Variants in CR1 observed in about 807,000 individuals in gnomAD.
CR1 encodes complement receptor type 1.
A neutral mutation model predicts 187.3 loss-of-function variants in CR1; 116 were observed. That is an observed-to-expected ratio of 0.62 (90% CI 0.53 to 0.72). The LOEUF (loss-of-function observed/expected upper bound fraction) is 0.72. Among genes scored for constraint, CR1 ranks in the 30% least tolerant of loss-of-function variants. The probability of loss-of-function intolerance (pLI) is 0.00; values close to 1 mark genes in which losing one functional copy is unlikely to be tolerated. For synonymous variants in CR1, 576 were observed against 747.1 expected, an observed-to-expected ratio of 0.77 and a Z score of 3.73; for missense variants, 1,731 against 2,110.7, an observed-to-expected ratio of 0.82 and a Z score of 3.52.
chr1:207,526,202 A>G (rs1660165176), intron 5 of CR1, among the ~76,000 whole-genome samples: 1 of 152,066 alleles, frequency 6.6e-6, no homozygotes, highest in South Asian at 2.1e-4. Flanking sequence ...TGAGGAGAGG[A>G]GACCCATAGT....
chr1:207,506,257 C>T (rs1335305319), intron 2 of CR1, among the ~76,000 whole-genome samples, 174 bp downstream of exon 2: 3 of 152,192 alleles, frequency 2.0e-5, no homozygotes, highest in Non-Finnish European at 4.4e-5. Flanking sequence ...TTCCTGGCGC[C>T]TTCATTAAAA....
intron 35 of CR1, among the ~76,000 whole-genome samples, chr1:207,592,294 G>A (rs979493229): frequency 6.6e-6 from 1 of 152,230 alleles, no homozygotes; most frequent in South Asian, 2.1e-4. Flanking sequence ...TTCAACATAC[G>A]CAAATCAATA....
chr1:207,499,745 G>A (rs1226443783), intron 1 of CR1, among the ~76,000 whole-genome samples: 1 of 152,220 alleles, frequency 6.6e-6, no homozygotes, highest in African/African-American at 2.4e-5. Context: ...AGGTAAAGGT[G>A]CAAGATAGAA....
chr1:207,584,432 T>C (rs1328879424), intron 32 of CR1, among the ~76,000 whole-genome samples: 1 of 152,236 alleles, frequency 6.6e-6, no homozygotes, highest in Non-Finnish European at 1.5e-5. Context: ...GGATGCTTAA[T>C]TTGGGAAAGG....
intron 40 of CR1, among the ~76,000 whole-genome samples, chr1:207,615,355 T>A (rs1161809899): frequency 6.6e-6 from 1 of 152,040 alleles, no homozygotes; most frequent in African/African-American, 2.4e-5. Flanking sequence ...TTATAACATA[T>A]AAAATGGTAG....
In CR1 at chr1:207,565,931, A is replaced by T. The variant is rs1389079353; in HGVS notation, c.3952+8A>T. ...GTGTTCCAGTGTGTGAACGTGAGTA[A>T]TAGGAGCAACATTTCAGGCCAATCT... On this transcript the variant is annotated splice_region_variant and intron_variant, in intron 24 of 46. Coordinates refer to ENST00000367049, the MANE Select transcript of CR1 (RefSeq NM_000651.6). The T allele has an allele frequency of 6.2e-7, 1 of 1,611,084 alleles. No homozygotes were observed. The highest frequency in any genetic ancestry group is 1.1e-5 in the South Asian group (1 of 91,058).
At chr1:207,521,388 C>T (rs1184470292) in intron 4 of CR1, among the ~76,000 whole-genome samples, 1 of 151,988 alleles carries the variant, frequency 6.6e-6, no homozygotes, top group Non-Finnish European at 1.5e-5. Context: ...CTCTTCTCAT[C>T]GAGGGACTTC....
intron 1 of CR1, 78 bp from the exon 2 acceptor site, chr1:207,505,826 T>C (rs760287200): frequency 2.4e-5 from 36 of 1,493,052 alleles, no homozygotes; most frequent in South Asian, 6.6e-5. Context: ...ATGGAGCCAG[T>C]CTCCGTCTCA....
chr1:207,500,515 T>G (rs1479108723), intron 1 of CR1, among the ~76,000 whole-genome samples: 1 of 152,202 alleles, frequency 6.6e-6, no homozygotes, highest in Non-Finnish European at 1.5e-5. Context: ...TTGAATGGAA[T>G]ATCTGAACCA....
intron 1 of CR1, among the ~76,000 whole-genome samples, chr1:207,501,016 A>AC (rs918022235): frequency 6.6e-6 from 1 of 152,152 alleles, no homozygotes; most frequent in African/African-American, 2.4e-5. Flanking sequence ...ATAAAAAAAA[A>AC]CCTGAGTGAT....
intron 4 of CR1, 34 bp from the exon 5 acceptor site, chr1:207,523,577 T>C (rs1415420050): frequency 3.1e-6 from 5 of 1,612,860 alleles, no homozygotes; most frequent in Non-Finnish European, 4.2e-6. Context: ...TTATTTAAAC[T>C]GACTGTTATT....
intron 37 of CR1, among the ~76,000 whole-genome samples, chr1:207,610,696 C>T (rs1220359149): frequency 2.0e-5 from 3 of 152,090 alleles, no homozygotes; most frequent in Non-Finnish European, 2.9e-5. Flanking sequence ...GCCAACATTT[C>T]GGTTAAAATA....
chr1:207,510,003 T>C (rs1234304956), intron 3 of CR1, among the ~76,000 whole-genome samples: 1 of 152,156 alleles, frequency 6.6e-6, no homozygotes, highest in Non-Finnish European at 1.5e-5. Flanking sequence ...AAGTCAGGAA[T>C]TCAAGACCAG....
chr1:207,510,093 GC>G (rs1465274462), intron 3 of CR1, among the ~76,000 whole-genome samples: 3 of 152,126 alleles, frequency 2.0e-5, no homozygotes, highest in Admixed American at 1.3e-4. Flanking sequence ...TGTAGTCCCA[GC>G]AGCTAAGGAG....
chr1:207,570,203 A>C (rs1472137522), intron 27 of CR1: 1 of 485,112 alleles, frequency 2.1e-6, no homozygotes, highest in South Asian at 2.7e-5. Context: ...TTAGAAGTGT[A>C]GTAGTCAAAG....
chr1:207,584,216 A>G (rs1661042492), intron 32 of CR1, among the ~76,000 whole-genome samples: 1 of 152,198 alleles, frequency 6.6e-6, no homozygotes, highest in Non-Finnish European at 1.5e-5. Flanking sequence ...TATATTTTAG[A>G]AAGATGTCTC....
intron 41 of CR1, among the ~76,000 whole-genome samples, chr1:207,617,616 G>T (rs56215594): frequency 0.022 from 297 of 13,216 alleles, 2 homozygotes; most frequent in Middle Eastern, 0.031. Flanking sequence ...TATATATAGA[G>T]AGAGAGAGAG....
At chr1:207,575,341 G>A (rs540087699) in intron 27 of CR1, among the ~76,000 whole-genome samples, 8 of 152,184 alleles carry the variant, frequency 5.3e-5, no homozygotes, top group South Asian at 2.1e-4. Context: ...TTTTATTTTC[G>A]TGCCAGTTGC....
At chr1:207,544,746 A>G (rs1391040546) in intron 13 of CR1, among the ~76,000 whole-genome samples, 4 of 148,238 alleles carry the variant, frequency 2.7e-5, no homozygotes, top group Non-Finnish European at 4.4e-5. Flanking sequence ...GCTACATAGC[A>G]TGAAGAGAGG....
Sources: gnomAD v4.1 joint callset for allele counts (sites outside exome capture counted in the v4.1 genomes callset) on GRCh38, gnomAD v4.1.1 for gene constraint, MANE v1.5 for transcripts, NCBI Gene and HGNC (gene_info 2026-07-23, HGNC 2026-07-21) for gene names.